The following GLG1 variants were observed in gnomAD, a reference collection of about 807,000 sequenced individuals.
GLG1 encodes Golgi apparatus protein 1.
Under a neutral mutation model 160.5 loss-of-function variants are expected in GLG1, and 38 were observed. That is an observed-to-expected ratio of 0.24 (90% CI 0.18 to 0.31). GLG1 has a LOEUF of 0.31. Ranked by LOEUF, GLG1 falls within the 10% of genes least tolerant of loss-of-function variation. The pLI is 1.00. For synonymous variants in GLG1, 644 were observed against 543.4 expected (o/e 1.19, Z -2.57); for missense variants, 1,373 against 1,505.2 (o/e 0.91, Z 1.45).
At chr16:74,457,616 A>G (rs2014609554) in intron 24 of GLG1, among the ~76,000 whole-genome samples, 1 of 152,038 alleles carries the variant, frequency 6.6e-6, no homozygotes, top group Non-Finnish European at 1.5e-5. Flanking sequence ...CCTAATAAAT[A>G]CCTCAATTCT....
At chr16:74,524,275 C>A (rs1490476142) in intron 2 of GLG1, among the ~76,000 whole-genome samples, 2 of 152,006 alleles carry the variant, frequency 1.3e-5, no homozygotes, top group Non-Finnish European at 2.9e-5. Flanking sequence ...TACCTGTTTT[C>A]TTTTTTCTTG....
chr16:74,572,602 G>C (rs1337178024), intron 1 of GLG1, among the ~76,000 whole-genome samples: 2 of 152,046 alleles, frequency 1.3e-5, no homozygotes, highest in East Asian at 1.9e-4. Context: ...CAGGTTCCTG[G>C]AGAGTGGCCT....
chr16:74,547,179 G>A lies in GLG1; in HGVS notation c.439-15026C>T, dbSNP rs1401150056. On this transcript the variant is annotated intron_variant, in intron 1 of 25. Coordinates refer to ENST00000422840, the MANE Select transcript of GLG1 (RefSeq NM_001145667.2). ...CCTCCAAGGGGGATGTAGAGGTAGT[G>A]CCTCAATTAAACAAAAACAATTTCT... Among the ~76,000 whole-genome samples, 8 of 151,414 alleles carry A rather than the reference G, an allele frequency of 5.3e-5. No homozygotes were observed. The South Asian group carries it at 1.7e-3, about 32-fold the overall frequency.
intron 1 of GLG1, among the ~76,000 whole-genome samples, chr16:74,587,606 C>T (rs779644663): frequency 5.9e-5 from 9 of 152,200 alleles, no homozygotes; most frequent in African/African-American, 9.6e-5. Flanking sequence ...CGGTGGCTCA[C>T]GCCTGTAATC....
intron 9 of GLG1, among the ~76,000 whole-genome samples, chr16:74,483,780 C>T (rs1009395328): frequency 1.3e-5 from 2 of 151,904 alleles, no homozygotes; most frequent in African/African-American, 4.8e-5. Flanking sequence ...GCCTCAGCCT[C>T]CCGAGTAGCT....
chr16:74,607,098 G>T lies in GLG1; in HGVS notation c.-4C>A, dbSNP rs1295857241. 6.5e-7 allele frequency: 1 copy of T among 1,527,964 alleles called. No individual in the cohort carries two copies. Among genetic ancestry groups the T allele is most frequent in the Non-Finnish European group, 8.8e-7 (1 of 1,135,966 alleles). 94.7% of individuals were successfully genotyped at this position (1,527,964 alleles called of 1,614,324 possible). A position where few individuals can be genotyped will look rare whatever the true frequency, so the allele number is the denominator to read the frequency against. On this transcript the variant is annotated 5_prime_UTR_variant, in exon 1 of 26. Coordinates refer to ENST00000422840, the MANE Select transcript of GLG1 (RefSeq NM_001145667.2). ...GTACACGTCCACACGCCGCCATCTT[G>T]AGTCCGCGGCGAGCTCGACGCACTC... is the stretch of plus-strand genomic sequence containing the variant.
chr16:74,605,895 C>G (rs912336099), intron 1 of GLG1, among the ~76,000 whole-genome samples: 1 of 152,140 alleles, frequency 6.6e-6, no homozygotes, highest in African/African-American at 2.4e-5. Flanking sequence ...AGCATTAAAC[C>G]TAGATTATAA....
At chr16:74,543,424 GC>G (rs1423264865) in intron 1 of GLG1, among the ~76,000 whole-genome samples, 2 of 152,180 alleles carry the variant, frequency 1.3e-5, no homozygotes, top group Non-Finnish European at 2.9e-5. Context: ...TTATGTTAGA[GC>G]CTGTGAATAG....
intron 3 of GLG1, among the ~76,000 whole-genome samples, chr16:74,505,490 G>A (rs899777392): frequency 1.3e-5 from 2 of 152,116 alleles, no homozygotes; most frequent in Non-Finnish European, 2.9e-5. Context: ...AAGACCGAGG[G>A]GGGTGGATCA....
At chr16:74,513,233 A>G (rs954718274) in intron 2 of GLG1, among the ~76,000 whole-genome samples, 4 of 152,212 alleles carry the variant, frequency 2.6e-5, no homozygotes, top group Non-Finnish European at 5.9e-5. Flanking sequence ...AAGAGGCAAG[A>G]ACTTATTTGA....
chr16:74,547,620 T>C (rs1325744160), intron 1 of GLG1, among the ~76,000 whole-genome samples: 1 of 152,276 alleles, frequency 6.6e-6, no homozygotes, highest in Non-Finnish European at 1.5e-5. Context: ...ATTAATTGCA[T>C]GAAAATGCTT....
chr16:74,591,801 C>T (rs1036243022), intron 1 of GLG1, among the ~76,000 whole-genome samples: 2 of 152,146 alleles, frequency 1.3e-5, no homozygotes, highest in African/African-American at 2.4e-5. Context: ...TGAAAAGTCA[C>T]CATCTTTCAG....
intron 1 of GLG1, among the ~76,000 whole-genome samples, chr16:74,599,932 G>A (rs756204709): frequency 9.2e-5 from 14 of 151,786 alleles, no homozygotes; most frequent in Non-Finnish European, 2.1e-4. Context: ...TACTAGAGAG[G>A]TGGAGCCAGG....
chr16:74,542,723 A>AAGGGAGGG (rs2017915145), intron 1 of GLG1, among the ~76,000 whole-genome samples: 22 of 106,144 alleles, frequency 2.1e-4, no homozygotes, highest in South Asian at 1.1e-3. Flanking sequence ...GAAGGGAAGG[A>AAGGGAGGG]AGGAAGGAAG....
At chr16:74,528,983 T>TC (rs2017438957) in intron 2 of GLG1, among the ~76,000 whole-genome samples, 2 of 151,154 alleles carry the variant, frequency 1.3e-5, no homozygotes, top group African/African-American at 2.4e-5. Context: ...TTTTTTTTTT[T>TC]TGAGACAGAA....
intron 1 of GLG1, among the ~76,000 whole-genome samples, chr16:74,579,198 A>T (rs1450411564): frequency 1.3e-5 from 2 of 152,170 alleles, no homozygotes; most frequent in Non-Finnish European, 2.9e-5. Flanking sequence ...TACAAACAAC[A>T]ACAACAAAAA....
chr16:74,506,064 T>A (rs901599807), intron 3 of GLG1, among the ~76,000 whole-genome samples: 1 of 144,572 alleles, frequency 6.9e-6, no homozygotes, highest in African/African-American at 2.5e-5. Context: ...GGGCCAGGAC[T>A]GTATTTCCTG....
intron 8 of GLG1, among the ~76,000 whole-genome samples, chr16:74,489,409 T>C (rs2015903832): frequency 6.6e-6 from 1 of 151,332 alleles, no homozygotes; most frequent in Admixed American, 6.6e-5. Context: ...AGGTGGATGC[T>C]GCTATGAGCA....
intron 1 of GLG1, among the ~76,000 whole-genome samples, chr16:74,566,212 A>G (rs773791904): frequency 6.6e-6 from 1 of 152,112 alleles, no homozygotes; most frequent in Non-Finnish European, 1.5e-5. Context: ...CCCATAGGCT[A>G]CTCTTTGGAA....
Sources: gnomAD v4.1 joint callset for allele counts (sites outside exome capture counted in the v4.1 genomes callset) on GRCh38, gnomAD v4.1.1 for gene constraint, MANE v1.5 for transcripts, NCBI Gene and HGNC (gene_info 2026-07-23, HGNC 2026-07-21) for gene names.